Variants in ADK observed in about 807,000 individuals in gnomAD.
The protein encoded by ADK is N6,N6-dimethyladenosine kinase.
A neutral mutation model predicts 44.7 loss-of-function variants in ADK; 24 were observed. The ratio of observed to expected loss-of-function variants is 0.54; its 90% CI spans 0.39 to 0.76. The LOEUF (loss-of-function observed/expected upper bound fraction) is 0.76. Among genes scored for constraint, ADK ranks in the 30% least tolerant of loss-of-function variants. ADK has a pLI of 0.00. For synonymous variants in ADK, 128 were observed against 142.6 expected, an observed-to-expected ratio of 0.90 and a Z score of 0.73; for missense variants, 321 against 425.1, an observed-to-expected ratio of 0.76 and a Z score of 2.15.
intron 9 of ADK, among the ~76,000 whole-genome samples, chr10:74,605,853 T>A (rs563785209): frequency 6.6e-6 from 1 of 152,268 alleles, no homozygotes; most frequent in Non-Finnish European, 1.5e-5. Context: ...TAGAATTCAG[T>A]TGTGAATCCG....
intron 10 of ADK, among the ~76,000 whole-genome samples, chr10:74,704,603 A>G (rs1856534043): frequency 6.6e-6 from 1 of 152,212 alleles, no homozygotes; most frequent in Non-Finnish European, 1.5e-5. Context: ...TTTTTTCAGC[A>G]TCCAGGTTCT....
intron 3 of ADK, among the ~76,000 whole-genome samples, chr10:74,248,021 G>A (rs1405395678): frequency 4.6e-5 from 7 of 152,098 alleles, no homozygotes; most frequent in Admixed American, 6.6e-5. Context: ...GGTGGGGGTG[G>A]TAGATTCTAA....
At chr10:74,329,458 G>A (rs996696864) in intron 4 of ADK, among the ~76,000 whole-genome samples, 4 of 152,064 alleles carry the variant, frequency 2.6e-5, no homozygotes, top group Admixed American at 6.5e-5. Context: ...CTATGTAGAG[G>A]TCCATACACC....
chr10:74,474,891 G>T (rs1259275772), intron 6 of ADK, among the ~76,000 whole-genome samples: 1 of 152,174 alleles, frequency 6.6e-6, no homozygotes, highest in Non-Finnish European at 1.5e-5. Flanking sequence ...ACTTTGGGAG[G>T]CTGAGGTAGG....
intron 6 of ADK, among the ~76,000 whole-genome samples, chr10:74,431,066 CAAAAAAAAAAA>C (rs35141788): frequency 7.0e-5 from 4 of 57,262 alleles, no homozygotes; most frequent in East Asian, 6.4e-4. Context: ...GACTCCGTCT[CAAAAAAAAAAA>C]AAAAAAAAAA....
chr10:74,632,028 T>G (rs1011543331), intron 9 of ADK, among the ~76,000 whole-genome samples: 1 of 152,160 alleles, frequency 6.6e-6, no homozygotes, highest in Non-Finnish European at 1.5e-5. Flanking sequence ...TCTTTTTTTT[T>G]GTATATTCAT....
chr10:74,528,231 A>G (rs1052943197), intron 7 of ADK: 6 of 420,876 alleles, frequency 1.4e-5, no homozygotes, highest in African/African-American at 1.2e-4. Context: ...AAAAATCTCG[A>G]TGTAAATTGT....
At chr10:74,595,469 C>T (rs1282552063) in intron 8 of ADK, among the ~76,000 whole-genome samples, 1 of 140,600 alleles carries the variant, frequency 7.1e-6, no homozygotes, top group East Asian at 2.3e-4. Flanking sequence ...CTCCGCCTCC[C>T]GGGTTCACTC....
At chr10:74,520,682 G>GA (rs940287538) in intron 6 of ADK, among the ~76,000 whole-genome samples, 1 of 151,838 alleles carries the variant, frequency 6.6e-6, no homozygotes, top group Non-Finnish European at 1.5e-5. Flanking sequence ...AGACTACTCT[G>GA]AAAAATCCTT....
At chr10:74,371,875 C>A in intron 4 of ADK, 1 of 1,448,028 alleles carries the variant, frequency 6.9e-7, no homozygotes, top group Non-Finnish European at 9.6e-7. Context: ...CACATCCAGG[C>A]AGCCTTCCAA....
intron 3 of ADK, among the ~76,000 whole-genome samples, chr10:74,287,579 G>A (rs1847223099): frequency 6.6e-6 from 1 of 152,124 alleles, no homozygotes; most frequent in African/African-American, 2.4e-5. Flanking sequence ...GTAATCATGA[G>A]AGAGGGGGAT....
chr10:74,306,774 A>C (rs1840264963), intron 3 of ADK, among the ~76,000 whole-genome samples: 1 of 152,190 alleles, frequency 6.6e-6, no homozygotes, highest in African/African-American at 2.4e-5. Flanking sequence ...CTGAACCTCT[A>C]GGACTTTTAA....
chr10:74,434,076 C>T (rs1258340382), intron 6 of ADK, among the ~76,000 whole-genome samples: 1 of 152,066 alleles, frequency 6.6e-6, no homozygotes, highest in Non-Finnish European at 1.5e-5. Flanking sequence ...AGAATCATGG[C>T]TCATTTAGTA....
chr10:74,249,202 G>A (rs1438750322), intron 3 of ADK, among the ~76,000 whole-genome samples: 1 of 152,168 alleles, frequency 6.6e-6, no homozygotes, highest in Non-Finnish European at 1.5e-5. Flanking sequence ...TATTTAGTGG[G>A]AGGAAGGCTC....
At chr10:74,659,818 T>C (rs1854632034) in intron 9 of ADK, among the ~76,000 whole-genome samples, 2 of 152,120 alleles carry the variant, frequency 1.3e-5, no homozygotes. Flanking sequence ...TTCTGCCTGC[T>C]TTATATTCTC....
intron 3 of ADK, among the ~76,000 whole-genome samples, chr10:74,238,350 T>C (rs1845054844): frequency 6.6e-6 from 1 of 152,132 alleles, no homozygotes; most frequent in African/African-American, 2.4e-5. Context: ...AACGCGGAAA[T>C]GGCTGTTGAC....
In ADK at chr10:74,356,167, C is replaced by T. The variant is rs867465647; in HGVS notation, c.274-37974C>T. On this transcript the variant is annotated intron_variant, in intron 4 of 10. Coordinates refer to ENST00000539909, the MANE Select transcript of ADK (RefSeq NM_006721.4). ...CCGAGTAGCTGGGACTACAGGCGCCCGCCACCGCGCCCGGCTAATTTTTTG... is the reference window on the plus strand; with the variant it reads ...CCGAGTAGCTGGGACTACAGGCGCCTGCCACCGCGCCCGGCTAATTTTTTG... 4.2e-4 allele frequency among the ~76,000 whole-genome samples: 63 copies of T among 149,880 alleles called. No homozygotes were observed. The Middle Eastern group carries it at 0.017, about 41-fold the overall frequency.
intron 9 of ADK, among the ~76,000 whole-genome samples, chr10:74,663,366 C>T (rs1854824306): frequency 6.6e-6 from 1 of 151,662 alleles, no homozygotes; most frequent in African/African-American, 2.4e-5. Flanking sequence ...ATCCTATTCA[C>T]ATCTGTATTC....
chr10:74,403,622 C>T (rs1295873458), intron 6 of ADK, among the ~76,000 whole-genome samples: 2 of 152,088 alleles, frequency 1.3e-5, no homozygotes, highest in African/African-American at 2.4e-5. Flanking sequence ...GTGAGAGTGT[C>T]CTGATTTTCC....
Sources: gnomAD v4.1 joint callset for allele counts (sites outside exome capture counted in the v4.1 genomes callset) on GRCh38, gnomAD v4.1.1 for gene constraint, MANE v1.5 for transcripts, NCBI Gene and HGNC (gene_info 2026-07-23, HGNC 2026-07-21) for gene names.